The following MAP4K4 variants were observed in gnomAD, a reference collection of about 807,000 sequenced individuals.
MAP4K4 encodes the protein HPK/GCK-like kinase HGK.
A neutral mutation model predicts 189.6 loss-of-function variants in MAP4K4; 38 were observed. That is an observed-to-expected ratio of 0.20 (90% confidence interval 0.15 to 0.26). MAP4K4 has a LOEUF of 0.26. Ranked by LOEUF, MAP4K4 falls within the 10% of genes least tolerant of loss-of-function variation. The probability of loss-of-function intolerance (pLI) is 1.00; values close to 1 mark genes in which losing one functional copy is unlikely to be tolerated. For synonymous variants in MAP4K4, 610 were observed against 624.3 expected (o/e 0.98, Z 0.34); for missense variants, 1,054 against 1,726.9 (o/e 0.61, Z 6.91).
chr2:101,757,571 C>A (rs893061584), intron 2 of MAP4K4, among the ~76,000 whole-genome samples: 4 of 152,142 alleles, frequency 2.6e-5, no homozygotes, highest in African/African-American at 9.7e-5. Flanking sequence ...ATAACACAGT[C>A]CCCCCTTATC....
Position 101,859,880 on chromosome 2 carries a change from T to A in MAP4K4, c.1704+16T>A. The A allele has an allele frequency of 1.3e-6, 2 of 1,581,980 alleles. No individual in the cohort carries two copies. The highest frequency in any genetic ancestry group is 1.7e-6 in the Non-Finnish European group (2 of 1,163,846). On this transcript the variant is annotated intron_variant, in intron 15 of 32. Transcript: ENST00000324219. ...AGCGCGAGAGGTATCCTCTTTCCTT[T>A]GTCACTTAGACATTGCCCTGGAAAG...
At chr2:101,724,913 T>C (rs916911345) in intron 2 of MAP4K4, among the ~76,000 whole-genome samples, 2 of 152,202 alleles carry the variant, frequency 1.3e-5, no homozygotes, top group African/African-American at 4.8e-5. Flanking sequence ...TTTTTTACTC[T>C]ATGTTTTCTG....
chr2:101,764,894 T>C (rs2077958768), intron 2 of MAP4K4, among the ~76,000 whole-genome samples: 1 of 152,210 alleles, frequency 6.6e-6, no homozygotes. Context: ...TTAAAATATT[T>C]ATTTCACTAT....
At position 101,823,826 on chromosome 2, in the gene MAP4K4, A is replaced by T. The variant is rs918877470; in HGVS notation, c.181-102A>T. 21 of 980,858 alleles carry T rather than the reference A, an allele frequency of 2.1e-5. No individual in the cohort carries two copies. In the African/African-American group the frequency reaches 2.5e-4, roughly 12 times the overall value. 60.8% of individuals were successfully genotyped at this position (980,858 alleles called of 1,614,324 possible). A position where few individuals can be genotyped will look rare whatever the true frequency, so the allele number is the denominator to read the frequency against. ...GTATATGTGCCTCTGCTCCTGGAGG[A>T]TGGAGAACTTGTGTTCCTTTCATTA... On this transcript the variant is annotated intron_variant, in intron 3 of 32. Transcript: ENST00000324219.
At chr2:101,828,934 T>G (rs1465964651) in intron 5 of MAP4K4, among the ~76,000 whole-genome samples, 2 of 152,214 alleles carry the variant, frequency 1.3e-5, no homozygotes, top group Non-Finnish European at 2.9e-5. Context: ...TAGGTTTGTT[T>G]CCTTGGGAAA....
chr2:101,757,658 C>G (rs1010485593), intron 2 of MAP4K4, among the ~76,000 whole-genome samples: 4 of 152,210 alleles, frequency 2.6e-5, no homozygotes, highest in African/African-American at 4.8e-5. Context: ...TTTTCCTATA[C>G]ATACATAGCT....
chr2:101,717,495 T>A (rs1016450390), intron 2 of MAP4K4, among the ~76,000 whole-genome samples: 3 of 152,228 alleles, frequency 2.0e-5, no homozygotes, highest in Non-Finnish European at 4.4e-5. Context: ...AACTCTTAAT[T>A]TCTTTTTGTG....
At chr2:101,769,774 G>A (rs928390921) in intron 2 of MAP4K4, among the ~76,000 whole-genome samples, 2 of 151,894 alleles carry the variant, frequency 1.3e-5, no homozygotes, top group African/African-American at 4.8e-5. Context: ...TAGAGACGAG[G>A]TTTCACCATG....
chr2:101,778,511 G>C lies in MAP4K4; in HGVS notation c.124-12209G>C, dbSNP rs547390026. Among the ~76,000 whole-genome samples, 33 of 152,204 alleles carry C rather than the reference G, an allele frequency of 2.2e-4. No individual in the cohort carries two copies. In the East Asian group the frequency reaches 2.5e-3, roughly 12 times the overall value. On this transcript the variant is annotated intron_variant, in intron 2 of 32. Transcript: ENST00000324219. ...TTGTGGGGGAGGGGGTGGCGCTTTGGGGGGATACCTTGGCAGCTGGCAGGC... is the reference window on the plus strand; with the variant it reads ...TTGTGGGGGAGGGGGTGGCGCTTTGCGGGGATACCTTGGCAGCTGGCAGGC...
chr2:101,888,265 G>T (rs1305796464), intron 31 of MAP4K4, among the ~76,000 whole-genome samples: 1 of 152,188 alleles, frequency 6.6e-6, no homozygotes, highest in Non-Finnish European at 1.5e-5. Context: ...AAGAGACAGA[G>T]AATTGGTAAC....
chr2:101,775,793 C>T (rs1424933795), intron 2 of MAP4K4, among the ~76,000 whole-genome samples: 2 of 152,194 alleles, frequency 1.3e-5, no homozygotes, highest in Admixed American at 1.3e-4. Flanking sequence ...TTCACGCTCA[C>T]GTGCCCTGTT....
chr2:101,783,217 G>T (rs1397617541), intron 2 of MAP4K4, among the ~76,000 whole-genome samples: 1 of 151,764 alleles, frequency 6.6e-6, no homozygotes, highest in Non-Finnish European at 1.5e-5. Flanking sequence ...CCATTTTGTT[G>T]AAGTAGGCTT....
At chr2:101,812,616 CA>C (rs397806451) in intron 3 of MAP4K4, among the ~76,000 whole-genome samples, 184 of 146,238 alleles carry the variant, frequency 1.3e-3, no homozygotes, top group Middle Eastern at 3.5e-3. Flanking sequence ...TGATTAATAG[CA>C]AAAAAAAAAA....
intron 3 of MAP4K4, among the ~76,000 whole-genome samples, chr2:101,808,142 T>C (rs757992419): frequency 6.6e-6 from 1 of 152,242 alleles, no homozygotes; most frequent in Non-Finnish European, 1.5e-5. Flanking sequence ...TTTTATTTTA[T>C]CCATTAGGAG....
intron 14 of MAP4K4, 37 bp downstream of exon 14, chr2:101,859,119 G>A (rs1057024461): frequency 2.0e-5 from 31 of 1,569,978 alleles, no homozygotes; most frequent in African/African-American, 2.7e-5. Flanking sequence ...GTAGCATCAG[G>A]GCTCCTTCAT....
chr2:101,790,336 T>C (rs188779428), intron 2 of MAP4K4, among the ~76,000 whole-genome samples: 15 of 152,156 alleles, frequency 9.9e-5, no homozygotes, highest in Admixed American at 9.2e-4. Flanking sequence ...AAAAAAAAAG[T>C]TTCTTTGAGA....
intron 2 of MAP4K4, among the ~76,000 whole-genome samples, chr2:101,721,648 G>T (rs2052157326): frequency 6.6e-6 from 1 of 152,046 alleles, no homozygotes; most frequent in Admixed American, 6.6e-5. Context: ...TATTGGTTAG[G>T]CTGGTCTTGA....
At position 101,778,405 on chromosome 2, in the gene MAP4K4, A is replaced by G. The variant is rs1308152772; in HGVS notation, c.124-12315A>G. Reference sequence around the variant, plus strand: ...TATCTTTTTTGTAGTCATTTCCTTTACACTGATAGCCCAGGCTTTACATTG... The same window carrying G: ...TATCTTTTTTGTAGTCATTTCCTTTGCACTGATAGCCCAGGCTTTACATTG... On this transcript the variant is annotated intron_variant, in intron 2 of 32. Coordinates refer to ENST00000324219, the Ensembl canonical transcript of MAP4K4. 3.3e-5 allele frequency among the ~76,000 whole-genome samples: 5 copies of G among 151,986 alleles called. No individual in the cohort carries two copies. The East Asian group carries it at 5.8e-4, about 18-fold the overall frequency.
chr2:101,825,007 G>T (rs2096284054), intron 4 of MAP4K4, among the ~76,000 whole-genome samples: 2 of 152,184 alleles, frequency 1.3e-5, no homozygotes, highest in Non-Finnish European at 2.9e-5. Context: ...TTTGATAATT[G>T]GGTAGTGATG....
Sources: gnomAD v4.1 joint callset for allele counts (sites outside exome capture counted in the v4.1 genomes callset) on GRCh38, gnomAD v4.1.1 for gene constraint, MANE v1.5 for transcripts, NCBI Gene and HGNC (gene_info 2026-07-23, HGNC 2026-07-21) for gene names.